CEP112: variants seen among roughly 807,000 people sequenced by gnomAD.
CEP112 encodes the protein centrosomal protein 112.
In CEP112, 127 loss-of-function variants were observed where a neutral mutation model predicts 153.0. That is an observed-to-expected ratio of 0.83 (90% CI 0.72 to 0.96). CEP112 has a LOEUF of 0.96. CEP112 is among the 40% of genes least tolerant of loss of function. The pLI, the probability that CEP112 is intolerant of heterozygous loss-of-function variation, is 0.00. For synonymous variants in CEP112, 358 were observed against 374.4 expected (o/e 0.96, Z 0.51); for missense variants, 1,089 against 1,101.2 (o/e 0.99, Z 0.16).
At chr17:65,768,110 T>C (rs1342891070) in intron 21 of CEP112, among the ~76,000 whole-genome samples, 2 of 152,090 alleles carry the variant, frequency 1.3e-5, no homozygotes, top group Admixed American at 6.6e-5. Context: ...TAACTACTAA[T>C]AGCCAACTGT....
chr17:66,085,623 A>G (rs961054722), intron 8 of CEP112, among the ~76,000 whole-genome samples: 2 of 152,236 alleles, frequency 1.3e-5, no homozygotes, highest in African/African-American at 4.8e-5. Context: ...GTAATTATGA[A>G]TAAGAATGGG....
chr17:66,186,916 T>C (rs2072958419), intron 1 of CEP112, among the ~76,000 whole-genome samples: 1 of 152,172 alleles, frequency 6.6e-6, no homozygotes, highest in Non-Finnish European at 1.5e-5. Flanking sequence ...AAGATGTTAT[T>C]CCTCCCACCT....
At chr17:66,132,201 A>AAAAAAAAAAAAAAAAAAAAAAAAAAAC (rs2070212915) in intron 5 of CEP112, among the ~76,000 whole-genome samples, 1 of 141,322 alleles carries the variant, frequency 7.1e-6, no homozygotes, top group Non-Finnish European at 1.6e-5. Context: ...AAAAAAAAAA[A>AAAAAAAAAAAAAAAAAAAAAAAAAAAC]AAAGCTAACT....
intron 21 of CEP112, among the ~76,000 whole-genome samples, chr17:65,765,704 T>G (rs1312626643): frequency 6.6e-6 from 1 of 152,048 alleles, no homozygotes; most frequent in Non-Finnish European, 1.5e-5. Flanking sequence ...CCCTAAACTC[T>G]TATAGCCTAT....
intron 6 of CEP112, among the ~76,000 whole-genome samples, chr17:66,122,772 T>C (rs775775696): frequency 1.3e-5 from 2 of 152,210 alleles, no homozygotes; most frequent in Non-Finnish European, 2.9e-5. Context: ...CAGGGGTAGA[T>C]GCTGAGGTAG....
chr17:65,872,263 C>T (rs1445577089), intron 20 of CEP112, among the ~76,000 whole-genome samples: 1 of 151,782 alleles, frequency 6.6e-6, no homozygotes, highest in African/African-American at 2.4e-5. Flanking sequence ...AAAGGCTATT[C>T]TTAAATAAAT....
intron 24 of CEP112, among the ~76,000 whole-genome samples, chr17:65,675,060 A>G (rs910965519): frequency 1.1e-4 from 16 of 152,342 alleles, no homozygotes; most frequent in African/African-American, 3.8e-4. Context: ...TGAGTTTAAC[A>G]GTAGGTTAGA....
chr17:65,944,644 C>T (rs945573889), intron 18 of CEP112, among the ~76,000 whole-genome samples: 10 of 152,024 alleles, frequency 6.6e-5, no homozygotes, highest in East Asian at 1.9e-4. Context: ...GAGTGCAGTG[C>T]GGTGGAGTGA....
intron 21 of CEP112, among the ~76,000 whole-genome samples, chr17:65,811,623 G>A (rs1365217965): frequency 2.0e-5 from 3 of 152,148 alleles, no homozygotes; most frequent in African/African-American, 7.2e-5. Context: ...TTGGCTATGA[G>A]CAATTATGAT....
At chr17:66,042,060 T>A (rs1333011907) in intron 12 of CEP112, among the ~76,000 whole-genome samples, 1 of 152,034 alleles carries the variant, frequency 6.6e-6, no homozygotes, top group Non-Finnish European at 1.5e-5. Context: ...TGATAATATG[T>A]ATTCATGGCT....
chr17:66,121,104 C>A (rs1004744389), intron 6 of CEP112, among the ~76,000 whole-genome samples: 2 of 151,930 alleles, frequency 1.3e-5, no homozygotes, highest in African/African-American at 4.8e-5. Flanking sequence ...CATGGAGAAA[C>A]CCCGTCTCTA....
intron 12 of CEP112, among the ~76,000 whole-genome samples, chr17:66,044,716 A>C (rs1179154381): frequency 6.6e-6 from 1 of 152,240 alleles, no homozygotes; most frequent in African/African-American, 2.4e-5. Flanking sequence ...CAAATGGAGA[A>C]TTATTGTTTA....
chr17:65,911,807 T>C (rs1010208542), intron 19 of CEP112, among the ~76,000 whole-genome samples: 1 of 152,244 alleles, frequency 6.6e-6, no homozygotes, highest in African/African-American at 2.4e-5. Context: ...TTTTTGTCTA[T>C]ATATCTACTT....
chr17:65,699,758 G>C (rs762330690), intron 23 of CEP112, among the ~76,000 whole-genome samples: 76 of 152,132 alleles, frequency 5.0e-4, no homozygotes, highest in Non-Finnish European at 9.3e-4. Context: ...CTCCCAAGAA[G>C]CTGGAACTAC....
At chr17:65,675,373 T>C (rs910902191) in intron 24 of CEP112, among the ~76,000 whole-genome samples, 4 of 152,168 alleles carry the variant, frequency 2.6e-5, no homozygotes, top group African/African-American at 9.7e-5. Flanking sequence ...GTCCAGCTAA[T>C]TTTTGTATTT....
chr17:65,933,943 C>A lies in CEP112; in HGVS notation c.1873-6254G>T, dbSNP rs76973906. On this transcript the variant is annotated intron_variant, in intron 18 of 26. Coordinates refer to ENST00000535342, the MANE Select transcript of CEP112 (RefSeq NM_001199165.4). ...GTGACTCATGTCTGTAATCCCAGCACTTTGGGAGGCTGAGGTGGGCAGACC... is the reference window on the plus strand; with the variant it reads ...GTGACTCATGTCTGTAATCCCAGCAATTTGGGAGGCTGAGGTGGGCAGACC... Among the ~76,000 whole-genome samples the A allele has an allele frequency of 2.6e-4, 39 of 152,290 alleles. No homozygotes were observed. In the East Asian group the frequency reaches 7.1e-3, roughly 28 times the overall value.
chr17:65,833,416 TTC>T (rs1228662943), intron 21 of CEP112, among the ~76,000 whole-genome samples: 4 of 152,114 alleles, frequency 2.6e-5, no homozygotes, highest in Admixed American at 6.6e-5. Flanking sequence ...AAGTCAAACT[TTC>T]TCTGTTTGCA....
At chr17:66,098,895 C>G (rs1002349157) in intron 6 of CEP112, among the ~76,000 whole-genome samples, 1 of 152,012 alleles carries the variant, frequency 6.6e-6, no homozygotes, top group Non-Finnish European at 1.5e-5. Flanking sequence ...AGAGTGGTAG[C>G]ATGGGGAAAA....
intron 24 of CEP112, among the ~76,000 whole-genome samples, chr17:65,668,629 T>A (rs1281250442): frequency 6.6e-6 from 1 of 152,184 alleles, no homozygotes; most frequent in Non-Finnish European, 1.5e-5. Flanking sequence ...GGAATAAAAG[T>A]GCTCTCTCAC....
Sources: gnomAD v4.1 joint callset for allele counts (sites outside exome capture counted in the v4.1 genomes callset) on GRCh38, gnomAD v4.1.1 for gene constraint, MANE v1.5 for transcripts, NCBI Gene and HGNC (gene_info 2026-07-23, HGNC 2026-07-21) for gene names.